DMD: variants seen among roughly 807,000 people sequenced by gnomAD.
DMD encodes dystrophin.
A neutral mutation model predicts 330.1 loss-of-function variants in DMD; 63 were observed. That is an observed-to-expected ratio of 0.19 (90% CI 0.16 to 0.24). The LOEUF is 0.24. Ranked by LOEUF, DMD falls within the 10% of genes least tolerant of loss-of-function variation. DMD has a pLI of 1.00. For missense variants in DMD, 3,344 were observed against 2,684.1 expected, an observed-to-expected ratio of 1.25 and a Z score of -5.43; for synonymous variants, 1,223 against 959.8, an observed-to-expected ratio of 1.27 and a Z score of -5.07.
At chrX:32,613,224 G>GCTT (rs1477084580) in intron 12 of DMD, among the ~76,000 whole-genome samples, 1 of 111,185 alleles carries the variant, frequency 9.0e-6, no homozygotes, top group Admixed American at 9.6e-5. Context: ...ATTTAAGTAG[G>GCTT]CTTCTTTTAT....
At chrX:32,636,952 A>T (rs1032800409) in intron 11 of DMD, among the ~76,000 whole-genome samples, 1 of 109,846 alleles carries the variant, frequency 9.1e-6, no homozygotes, top group Non-Finnish European at 1.9e-5. Flanking sequence ...GAGCCGAGAT[A>T]GCGCCACTGC....
At chrX:32,371,847 G>C (rs1277320324) in intron 34 of DMD, among the ~76,000 whole-genome samples, 1 of 111,639 alleles carries the variant, frequency 9.0e-6, no homozygotes, top group African/African-American at 3.2e-5. Context: ...ACAGACTGTA[G>C]TAGGTGATAG....
At chrX:32,793,028 TTCTCC>T (rs1349552646) in intron 7 of DMD, among the ~76,000 whole-genome samples, 1 of 111,992 alleles carries the variant, frequency 8.9e-6, no homozygotes, top group Non-Finnish European at 1.9e-5. Flanking sequence ...ACACAGAACA[TTCTCC>T]AGGACAGACC....
chrX:31,413,151 TGAAGA>T (rs1375550825), intron 60 of DMD, among the ~76,000 whole-genome samples: 1 of 112,357 alleles, frequency 8.9e-6, no homozygotes, highest in Non-Finnish European at 1.9e-5. Flanking sequence ...GTTTAACTAG[TGAAGA>T]GATTAATGGA....
At chrX:31,733,470 A>G (rs188019915) in intron 51 of DMD, among the ~76,000 whole-genome samples, 24 of 111,547 alleles carry the variant, frequency 2.2e-4, no homozygotes, top group Admixed American at 2.0e-3. Flanking sequence ...ACATAGCATA[A>G]ATGCCCATGA....
intron 18 of DMD, among the ~76,000 whole-genome samples, chrX:32,504,605 T>C (rs919912908): frequency 1.3e-4 from 15 of 111,487 alleles, no homozygotes; most frequent in Non-Finnish European, 2.8e-4. Flanking sequence ...CCAGCCTGGG[T>C]GACAGAGTAA....
intron 60 of DMD, among the ~76,000 whole-genome samples, chrX:31,358,771 C>A (rs5927736): frequency 1.8e-5 from 2 of 111,453 alleles, no homozygotes; most frequent in East Asian, 5.6e-4. Flanking sequence ...GAGGAATCTC[C>A]TGATTGTTAG....
chrX:32,274,474 T>G (rs1014338437), intron 43 of DMD, among the ~76,000 whole-genome samples: 9 of 112,065 alleles, frequency 8.0e-5, no homozygotes, highest in African/African-American at 2.9e-4. Flanking sequence ...AGGCAAATGA[T>G]CCTGGATGAA....
In DMD at chrX:32,392,237, T is replaced by C. The variant is rs150281895; in HGVS notation, c.4234-2056A>G. 4.8e-3 allele frequency among the ~76,000 whole-genome samples: 529 copies of C among 110,808 alleles called. 1 individual carries two copies. Among genetic ancestry groups the C allele is most frequent in the African/African-American group, 0.016 (485 of 30,493 alleles). On this transcript the variant is annotated intron_variant, in intron 30 of 78. Coordinates refer to ENST00000357033, the MANE Select transcript of DMD (RefSeq NM_004006.3). ...AAAACACTGATGGCTTCCAATGCGGTATGGCTTTATTTATTTATTTAGTTA... is the reference window on the plus strand; with the variant it reads ...AAAACACTGATGGCTTCCAATGCGGCATGGCTTTATTTATTTATTTAGTTA...
intron 49 of DMD, among the ~76,000 whole-genome samples, chrX:31,821,810 G>A (rs1051513407): frequency 1.8e-5 from 2 of 111,687 alleles, no homozygotes; most frequent in African/African-American, 3.3e-5. Context: ...GATTGATGTC[G>A]GGTTTGGTTA....
At chrX:31,893,477 C>T (rs187879141) in intron 47 of DMD, among the ~76,000 whole-genome samples, 3 of 110,642 alleles carry the variant, frequency 2.7e-5, no homozygotes, top group Admixed American at 9.7e-5. Context: ...CTGCATATCA[C>T]GCAACCCTAT....
intron 51 of DMD, among the ~76,000 whole-genome samples, chrX:31,758,829 G>A (rs772307799): frequency 6.2e-4 from 69 of 111,804 alleles, no homozygotes; most frequent in African/African-American, 1.9e-3. Flanking sequence ...TGATTTCAGC[G>A]CAAAGTTAAA....
intron 11 of DMD, among the ~76,000 whole-genome samples, chrX:32,622,513 T>C (rs1205624621): frequency 8.9e-6 from 1 of 111,991 alleles, no homozygotes; most frequent in Non-Finnish European, 1.9e-5. Flanking sequence ...GCTACAAATA[T>C]CAAATCTGAC....
chrX:31,465,345 T>A (rs1286648768), intron 59 of DMD, among the ~76,000 whole-genome samples: 1 of 110,802 alleles, frequency 9.0e-6, no homozygotes, highest in Non-Finnish European at 1.9e-5. Context: ...CTTACTGCTA[T>A]CCCTCCCCTA....
intron 30 of DMD, among the ~76,000 whole-genome samples, chrX:32,396,398 A>G (rs1434301525): frequency 9.0e-6 from 1 of 111,479 alleles, no homozygotes; most frequent in Non-Finnish European, 1.9e-5. Flanking sequence ...TTCTAGTGAA[A>G]TTCGCATATT....
At chrX:31,235,634 G>A (rs757653845) in intron 63 of DMD, among the ~76,000 whole-genome samples, 1 of 112,054 alleles carries the variant, frequency 8.9e-6, no homozygotes, top group Non-Finnish European at 1.9e-5. Flanking sequence ...CTTTTACCAG[G>A]TTTAAGCTGT....
chrX:32,898,417 G>A (rs1298335557), intron 2 of DMD, among the ~76,000 whole-genome samples: 2 of 112,297 alleles, frequency 1.8e-5, no homozygotes, highest in Admixed American at 9.5e-5. Context: ...GCCTAGGAAA[G>A]AATTCAAGGG....
intron 57 of DMD, among the ~76,000 whole-genome samples, chrX:31,489,597 A>G (rs977352117): frequency 6.2e-5 from 7 of 112,318 alleles, no homozygotes; most frequent in African/African-American, 2.3e-4. Flanking sequence ...TAAAATCTAA[A>G]CATCCATAGG....
At chrX:31,252,604 T>C (rs749422007) in intron 63 of DMD, among the ~76,000 whole-genome samples, 30 of 112,310 alleles carry the variant, frequency 2.7e-4, no homozygotes, top group African/African-American at 9.0e-4. Context: ...CTGAAATTGA[T>C]AGAAAATCCA....
Sources: gnomAD v4.1 joint callset for allele counts (sites outside exome capture counted in the v4.1 genomes callset) on GRCh38, gnomAD v4.1.1 for gene constraint, MANE v1.5 for transcripts, NCBI Gene and HGNC (gene_info 2026-07-23, HGNC 2026-07-21) for gene names.